Variants in ST6GAL1 observed in about 807,000 individuals in gnomAD.
ST6GAL1 encodes beta-galactoside alpha-2,6-sialyltransferase 1.
ST6GAL1 carries 20 observed loss-of-function variants against 38.0 expected under a neutral mutation model. That is an observed-to-expected ratio of 0.53 (90% CI 0.37 to 0.77). The LOEUF (loss-of-function observed/expected upper bound fraction) is 0.77, where lower values mean the gene tolerates loss of function less well. ST6GAL1 is among the 30% of genes least tolerant of loss of function. The probability of loss-of-function intolerance (pLI) is 0.00; values close to 1 mark genes in which losing one functional copy is unlikely to be tolerated. For missense variants in ST6GAL1, 432 were observed against 496.4 expected (o/e 0.87, Z 1.23); for synonymous variants, 196 against 188.2 (o/e 1.04, Z -0.34).
chr3:187,075,415 C>A lies in ST6GAL1; in HGVS notation c.980-147C>A. On this transcript the variant is annotated intron_variant, in intron 7 of 7. Coordinates refer to ENST00000169298, the MANE Select transcript of ST6GAL1 (RefSeq NM_173216.2). The surrounding 1 kb of genome is among the most constrained non-coding windows in gnomAD (Gnocchi z 4.1). Reference sequence around the variant, plus strand: ...CACTGCTGGGCTTGGCTTGCTGAAACTTAGATTGGGAATCACAGTCATAAA... The same window carrying A: ...CACTGCTGGGCTTGGCTTGCTGAAAATTAGATTGGGAATCACAGTCATAAA... The A allele has an allele frequency of 7.8e-7, 1 of 1,276,638 alleles. No individual in the cohort carries two copies. Among genetic ancestry groups the A allele is most frequent in the Non-Finnish European group, 1.1e-6 (1 of 932,222 alleles). 79.1% of individuals were successfully genotyped at this position (1,276,638 alleles called of 1,614,324 possible). A position where few individuals can be genotyped will look rare whatever the true frequency, so the allele number is the denominator to read the frequency against.
intron 2 of ST6GAL1, among the ~76,000 whole-genome samples, chr3:187,000,095 G>A (rs188956074): frequency 1.4e-4 from 22 of 152,122 alleles, no homozygotes; most frequent in African/African-American, 5.1e-4. Flanking sequence ...TCAAAGTGAT[G>A]GGATTCATAA....
At chr3:186,945,946 G>T (rs1714345874) in intron 1 of ST6GAL1, among the ~76,000 whole-genome samples, 1 of 142,756 alleles carries the variant, frequency 7.0e-6, no homozygotes, top group Admixed American at 7.5e-5. Flanking sequence ...AGCCGAGATC[G>T]CGCCACTGCA....
chr3:186,955,596 G>C (rs774066272), intron 1 of ST6GAL1, among the ~76,000 whole-genome samples: 1 of 151,872 alleles, frequency 6.6e-6, no homozygotes, highest in African/African-American at 2.4e-5. Context: ...TCCACCTCCC[G>C]GGTTCAAGCG....
chr3:187,018,586 T>G (rs12054411), intron 2 of ST6GAL1, among the ~76,000 whole-genome samples: 57,894 of 151,848 alleles, frequency 0.38, 11,109 homozygotes, highest in Middle Eastern at 0.46. Context: ...GGAAGTCTAG[T>G]CTATTCACAT....
rs189447737 is a variant in ST6GAL1 at position 187,005,002 on chromosome 3, G to T, written c.-182-33740G>T. On this transcript the variant is annotated intron_variant, in intron 2 of 7. Transcript: ENST00000169298. ...GGCATCTCTCCCTAGGAGCTTCTAA[G>T]TCTTACAAACGTTTTTGACTGCCAC... Among the ~76,000 whole-genome samples the T allele has an allele frequency of 1.2e-3, 186 of 152,086 alleles. 1 individual carries two copies. Among genetic ancestry groups the T allele is most frequent in the African/African-American group, 4.2e-3 (174 of 41,506 alleles).
At chr3:186,996,438 T>C (rs1022348765) in intron 2 of ST6GAL1, 4 of 152,116 alleles carry the variant, frequency 2.6e-5, no homozygotes, top group African/African-American at 9.7e-5. Flanking sequence ...AGAGTGTAGG[T>C]GGTTAGGAGT....
chr3:187,059,560 T>C (rs1030797873), intron 5 of ST6GAL1, among the ~76,000 whole-genome samples: 1 of 152,226 alleles, frequency 6.6e-6, no homozygotes, highest in African/African-American at 2.4e-5. Flanking sequence ...ATAAACTCTA[T>C]AGTTAGCCTG....
At chr3:187,060,350 G>A (rs1262636627) in intron 5 of ST6GAL1, among the ~76,000 whole-genome samples, 3 of 152,012 alleles carry the variant, frequency 2.0e-5, no homozygotes, top group Admixed American at 6.6e-5. Context: ...TAGCAGAGAC[G>A]AGGTTTCACT....
chr3:187,002,210 G>A (rs902106595), intron 2 of ST6GAL1, among the ~76,000 whole-genome samples: 31 of 152,006 alleles, frequency 2.0e-4, no homozygotes, highest in African/African-American at 7.3e-4. Context: ...AGATGAATGA[G>A]CTCATAATTC....
At chr3:186,999,908 T>C (rs1207576265) in intron 2 of ST6GAL1, among the ~76,000 whole-genome samples, 1 of 146,028 alleles carries the variant, frequency 6.8e-6, no homozygotes. Flanking sequence ...GTGGCTATTG[T>C]AGTTCACTGC....
intron 5 of ST6GAL1, among the ~76,000 whole-genome samples, chr3:187,055,969 G>T (rs1718686760): frequency 6.6e-6 from 1 of 152,130 alleles, no homozygotes. Flanking sequence ...CTGAGGACTT[G>T]CTTTATGAAT....
At chr3:186,933,411 C>A (rs1713830018) in intron 1 of ST6GAL1, among the ~76,000 whole-genome samples, 1 of 152,132 alleles carries the variant, frequency 6.6e-6, no homozygotes, top group Non-Finnish European at 1.5e-5. Flanking sequence ...TCCAGTGTAT[C>A]CTCATTATCC....
chr3:187,012,291 T>A (rs1416706703), intron 2 of ST6GAL1, among the ~76,000 whole-genome samples: 1 of 151,944 alleles, frequency 6.6e-6, no homozygotes, highest in Non-Finnish European at 1.5e-5. Flanking sequence ...AGGGTCCTGC[T>A]CTGTCTCCCA....
intron 2 of ST6GAL1, among the ~76,000 whole-genome samples, chr3:187,027,715 C>T (rs1412045912): frequency 6.6e-6 from 1 of 152,086 alleles, no homozygotes; most frequent in South Asian, 2.1e-4. Flanking sequence ...AGGTATTGAG[C>T]TCAAACTGCA....
chr3:187,021,303 A>C (rs528604178), intron 2 of ST6GAL1, among the ~76,000 whole-genome samples: 31 of 152,230 alleles, frequency 2.0e-4, no homozygotes, highest in African/African-American at 7.5e-4. Context: ...GCATAGCCCC[A>C]TAGCCCTTGC....
At chr3:186,999,508 T>TTC (rs984435227) in intron 2 of ST6GAL1, among the ~76,000 whole-genome samples, 8 of 151,352 alleles carry the variant, frequency 5.3e-5, no homozygotes, top group African/African-American at 1.9e-4. Context: ...GCCTCCCTGG[T>TTC]TCAGGCCATT....
chr3:186,968,682 G>A (rs1715235363), intron 2 of ST6GAL1, among the ~76,000 whole-genome samples: 1 of 152,186 alleles, frequency 6.6e-6, no homozygotes, highest in South Asian at 2.1e-4. Flanking sequence ...GTTCATCAAT[G>A]TTGTGTGTAT....
chr3:187,012,071 C>T (rs954196130), intron 2 of ST6GAL1, among the ~76,000 whole-genome samples: 16 of 152,144 alleles, frequency 1.1e-4, no homozygotes, highest in African/African-American at 3.9e-4. Flanking sequence ...TCTTCCTCCC[C>T]ACTCACTGTT....
chr3:186,975,254 G>T (rs996415377), intron 2 of ST6GAL1, among the ~76,000 whole-genome samples: 1 of 152,184 alleles, frequency 6.6e-6, no homozygotes, highest in Non-Finnish European at 1.5e-5. Flanking sequence ...AGACTGAGAG[G>T]CATTTGCACT....
Sources: allele counts gnomAD v4.1 joint callset (sites outside exome capture counted in the v4.1 genomes callset), GRCh38; gene constraint gnomAD v4.1.1; non-coding constraint Gnocchi (gnomAD v3.1); transcripts MANE v1.5; gene names NCBI Gene and HGNC (gene_info 2026-07-23, HGNC 2026-07-21).